The following TCP11L1 variants were observed in gnomAD, a reference collection of about 807,000 sequenced individuals.
TCP11L1 encodes the protein t-complex 11 like 1, also known as T-complex protein 11-like protein 1.
A neutral mutation model predicts 48.9 loss-of-function variants in TCP11L1; 28 were observed. The observed-to-expected ratio is 0.57, with a 90% CI of 0.42 to 0.78. The LOEUF (loss-of-function observed/expected upper bound fraction) is 0.78, where lower values mean the gene tolerates loss of function less well. TCP11L1 is among the 30% of genes least tolerant of loss of function. The pLI is 0.00. For synonymous variants in TCP11L1, 204 were observed against 231.9 expected, an observed-to-expected ratio of 0.88 and a Z score of 1.09; for missense variants, 505 against 613.4, an observed-to-expected ratio of 0.82 and a Z score of 1.87.
chr11:33,065,751 G>A (rs1794498567), intron 7 of TCP11L1, 79 bp from the exon 8 acceptor site: 1 of 1,496,188 alleles, frequency 6.7e-7, no homozygotes, highest in Non-Finnish European at 9.1e-7. Context: ...AGAGGCAGGT[G>A]TGGGGGCTGT....
Position 33,065,948 on chromosome 11 carries a change from A to G in TCP11L1, c.1091A>G (p.Gln364Arg). 6.2e-7 allele frequency: 1 copy of G among 1,614,226 alleles called. No individual in the cohort carries two copies. The highest frequency in any genetic ancestry group is 1.6e-4 in the Middle Eastern group (1 of 6,062). ...FSMAAPGISS[Q>R]ADFAEKLKMI... ...ATGGCAGCGCCAGGAATTTCCAGCC[A>G]GGCCGACTTTGCTGAGAAACTCAAG... The change falls in exon 8 of 10, where the codon CAG becomes CGG. Residue 364 changes from glutamine to arginine, a missense_variant. Physicochemically the swap from Gln to Arg is conservative, Grantham distance 43. Transcript: ENST00000334274.
chr11:33,050,619 G>A (rs1230962619), intron 2 of TCP11L1, among the ~76,000 whole-genome samples: 1 of 151,522 alleles, frequency 6.6e-6, no homozygotes. Context: ...TCCAGTTTGG[G>A]CAACAGAATA....
chr11:33,043,455 A>G (rs1005682453), intron 1 of TCP11L1, among the ~76,000 whole-genome samples: 2 of 152,248 alleles, frequency 1.3e-5, no homozygotes, highest in African/African-American at 4.8e-5. Flanking sequence ...TGTGTCTTCT[A>G]ATAGTTTAAG....
At position 33,057,996 on chromosome 11, in the gene TCP11L1, AAAGCAGG is replaced by A; in HGVS notation, c.502_508del (p.Glu168ArgfsTer5). ...CAGAAGTCTTGGATCTGGATCTGAT[AAAGCAGG>A]AAGCAGAGAATGGGGCGCTAGACAT... On this transcript the variant is annotated frameshift_variant, in exon 5 of 10. Coordinates refer to ENST00000334274, the MANE Select transcript of TCP11L1 (RefSeq NM_018393.4). LOFTEE classifies it high-confidence loss of function. 6.2e-7 allele frequency: 1 copy of A among 1,614,192 alleles called. No homozygotes were observed. The highest frequency in any genetic ancestry group is 8.5e-7 in the Non-Finnish European group (1 of 1,180,030).
At chr11:33,054,387 A>G (rs6484636) in intron 2 of TCP11L1, among the ~76,000 whole-genome samples, 62,398 of 151,980 alleles carry the variant, frequency 0.41, 13,023 homozygotes, top group African/African-American at 0.48. Flanking sequence ...TGTTTTGAGT[A>G]TTAATAAATG....
At chr11:33,056,639 T>C in intron 3 of TCP11L1, 1 of 239,570 alleles carries the variant, frequency 4.2e-6, no homozygotes, top group South Asian at 4.2e-5. Context: ...CTCGGCTCAC[T>C]GCAACCTCTG....
In TCP11L1 at chr11:33,065,953, G is replaced by A. The variant is rs149395795; in HGVS notation, c.1096G>A (p.Asp366Asn). Residue 366 changes from aspartate to asparagine, a missense_variant, in exon 8 of 10, where the codon GAC (aspartate) becomes AAC (asparagine). This residue lies in a region of TCP11L1 where 335 missense variants were observed against 413.3 expected (regional missense o/e 0.81). Coordinates refer to ENST00000334274, the MANE Select transcript of TCP11L1 (RefSeq NM_018393.4). The stretch of plus-strand genomic sequence containing the variant: ...AGCGCCAGGAATTTCCAGCCAGGCC[G>A]ACTTTGCTGAGAAACTCAAGATGAT... ...MAAPGISSQADFAEKLKMIVK... is the reference protein window; with the variant it reads ...MAAPGISSQANFAEKLKMIVK... The A allele has an allele frequency of 4.5e-5, 73 of 1,614,070 alleles. No individual in the cohort carries two copies. In the African/African-American group the frequency reaches 7.6e-4, roughly 17 times the overall value.
At chr11:33,066,820 T>G (rs962175068) in intron 8 of TCP11L1, among the ~76,000 whole-genome samples, 5 of 152,172 alleles carry the variant, frequency 3.3e-5, no homozygotes, top group Non-Finnish European at 5.9e-5. Flanking sequence ...GACAAAAATG[T>G]TTGTGACTAG....
intron 9 of TCP11L1, among the ~76,000 whole-genome samples, chr11:33,070,152 G>T (rs1402837478): frequency 6.6e-6 from 1 of 152,032 alleles, no homozygotes; most frequent in Non-Finnish European, 1.5e-5. Context: ...TTAGTGACAT[G>T]CATCTGTAGT....
At chr11:33,071,406 TGA>T (rs1405345049) in intron 9 of TCP11L1, among the ~76,000 whole-genome samples, 2 of 152,226 alleles carry the variant, frequency 1.3e-5, no homozygotes, top group Non-Finnish European at 2.9e-5. Flanking sequence ...TATTTGCACC[TGA>T]GAGGATTCCC....
At chr11:33,053,363 T>TC (rs1490863129) in intron 2 of TCP11L1, among the ~76,000 whole-genome samples, 1 of 152,154 alleles carries the variant, frequency 6.6e-6, no homozygotes, top group African/African-American at 2.4e-5. Flanking sequence ...CACGTGGGTC[T>TC]CCAACTCCTG....
At chr11:33,069,975 G>A (rs1272997703) in intron 9 of TCP11L1, among the ~76,000 whole-genome samples, 1 of 152,166 alleles carries the variant, frequency 6.6e-6, no homozygotes, top group African/African-American at 2.4e-5. Context: ...TGGCCAGCAA[G>A]TTGCTACTCA....
intron 7 of TCP11L1, 128 bp downstream of exon 7, chr11:33,061,854 G>A: frequency 1.0e-6 from 1 of 953,970 alleles, no homozygotes; most frequent in Non-Finnish European, 1.4e-6. Context: ...GCAGAGGCAG[G>A]CAGATTGCTT....
intron 1 of TCP11L1, among the ~76,000 whole-genome samples, chr11:33,041,907 A>C (rs1853845336): frequency 6.6e-6 from 1 of 152,216 alleles, no homozygotes; most frequent in Non-Finnish European, 1.5e-5. Flanking sequence ...TCCCTAAATC[A>C]GTTGACATTT....
chr11:33,054,087 A>G (rs1269984068), intron 2 of TCP11L1, among the ~76,000 whole-genome samples: 1 of 152,170 alleles, frequency 6.6e-6, no homozygotes, highest in Non-Finnish European at 1.5e-5. Context: ...AAGTGCTAGC[A>G]TTACAGGTGT....
chr11:33,055,424 G>A (rs1169294078), intron 3 of TCP11L1, among the ~76,000 whole-genome samples: 1 of 152,164 alleles, frequency 6.6e-6, no homozygotes, highest in African/African-American at 2.4e-5. Context: ...GAGGACTAGG[G>A]CTCTCCTTTT....
chr11:33,060,568 T>C (rs1854439551), intron 6 of TCP11L1, among the ~76,000 whole-genome samples: 1 of 152,122 alleles, frequency 6.6e-6, no homozygotes, highest in South Asian at 2.1e-4. Context: ...GTGCAGTTTT[T>C]ATCAGATGAT....
chr11:33,052,219 A>T (rs545828094), intron 2 of TCP11L1, among the ~76,000 whole-genome samples: 1 of 152,224 alleles, frequency 6.6e-6, no homozygotes, highest in African/African-American at 2.4e-5. Context: ...AAACCTGCAC[A>T]TGTACACCTG....
chr11:33,062,451 A>G (rs1177382624), intron 7 of TCP11L1, among the ~76,000 whole-genome samples: 1 of 152,176 alleles, frequency 6.6e-6, no homozygotes, highest in African/African-American at 2.4e-5. Flanking sequence ...TAGCACATAT[A>G]GCAGTAGTTT....
Sources: allele counts gnomAD v4.1 joint callset (sites outside exome capture counted in the v4.1 genomes callset), GRCh38; gene constraint gnomAD v4.1.1; regional missense constraint gnomAD v4.1.1; transcripts MANE v1.5; gene names NCBI Gene and HGNC (gene_info 2026-07-23, HGNC 2026-07-21).